The following LDB1 variants were observed in gnomAD, a reference collection of about 807,000 sequenced individuals.
LDB1 encodes the protein LIM domain binding 1, also known as LIM domain-binding protein 1.
LDB1 carries 6 observed loss-of-function variants against 49.7 expected under a neutral mutation model. The ratio of observed to expected loss-of-function variants is 0.12; its 90% CI spans 0.07 to 0.24. The LOEUF (loss-of-function observed/expected upper bound fraction) is 0.24. LDB1 is among the 10% of genes least tolerant of loss of function. The pLI is 1.00. For synonymous variants in LDB1, 233 were observed against 202.0 expected, an observed-to-expected ratio of 1.15 and a Z score of -1.30; for missense variants, 341 against 561.7, an observed-to-expected ratio of 0.61 and a Z score of 3.97.
In LDB1 at chr10:102,109,390, G is replaced by C; in HGVS notation, c.850C>G (p.Pro284Ala). Residue 284 changes from proline (P) to alanine (A), a missense_variant, in exon 9 of 11, where the codon CCC becomes GCC. Coordinates refer to ENST00000673968, the MANE Select transcript of LDB1 (RefSeq NM_001113407.3). The surrounding 1 kb of genome is among the most constrained non-coding windows in gnomAD (Gnocchi z 5.8). ...GCAGGTGCAAGGCACTCACCAGGGG[G>C]TGCTACCATGCGCTGCCACTTCTGG... ...LFQKWQRMVA[P>A]PAEPTRQQPS... is the part of the protein sequence containing the mutation. The C allele has an allele frequency of 6.2e-7, 1 of 1,614,138 alleles. No homozygotes were observed. Among genetic ancestry groups the C allele is most frequent in the Non-Finnish European group, 8.5e-7 (1 of 1,180,026 alleles).
chr10:102,114,439 G>A (rs2068302930), intron 1 of LDB1: 1 of 986,302 alleles, frequency 1.0e-6, no homozygotes, highest in African/African-American at 1.7e-5. Flanking sequence ...AGAGGTACGG[G>A]GGAGCGACTG....
chr10:102,120,188 CCGCCGCCGCCCGCGGCCCCCGCTGCGCT>C lies in LDB1; in HGVS notation c.-106_-79del, dbSNP rs2068398878. On this transcript the variant is annotated 5_prime_UTR_variant, in exon 1 of 11. Transcript: ENST00000673968. ...GCGGGGACAGGCCGGGCATGAGCCG[CCGCCGCCGCCCGCGGCCCCCGCTGCGCT>C]CGCCGCCGGCCCGGCCCGGCCTCGG... is the stretch of plus-strand genomic sequence containing the variant. The C allele has an allele frequency of 9.1e-7, 1 of 1,096,732 alleles. No individual in the cohort carries two copies. The highest frequency in any genetic ancestry group is 5.3e-5 in the Admixed American group (1 of 18,892). 67.9% of individuals were successfully genotyped at this position (1,096,732 alleles called of 1,614,324 possible).
At chr10:102,103,363 G>C (rs958271938), downstream of LDB1, among the ~76,000 whole-genome samples, 1 of 150,048 alleles carries the variant, frequency 6.7e-6, no homozygotes, top group Non-Finnish European at 1.5e-5. Flanking sequence ...GTTTGAGACA[G>C]AGAGTCTTGC....
rs781255808 is a variant in LDB1 at position 102,110,860 on chromosome 10, G to A, written c.352+9C>T. The stretch of plus-strand genomic sequence containing the variant: ...ACACCCTCATAGCAAGACCCCAGAG[G>A]CCACTTACTATATCTCTTTGGTCCA... On this transcript the variant is annotated intron_variant, in intron 5 of 10. Transcript: ENST00000673968. The A allele has an allele frequency of 6.2e-6, 10 of 1,610,902 alleles. No individual in the cohort carries two copies. Among genetic ancestry groups the A allele is most frequent in the South Asian group, 2.2e-5 (2 of 91,022 alleles).
chr10:102,109,365 G>A lies in LDB1; in HGVS notation c.856+19C>T. The A allele has an allele frequency of 6.2e-7, 1 of 1,613,784 alleles. No individual in the cohort carries two copies. The highest frequency in any genetic ancestry group is 1.1e-5 in the South Asian group (1 of 91,062). On this transcript the variant is annotated intron_variant, in intron 9 of 10. Transcript: ENST00000673968. This position sits in a 1 kb window ranked among gnomAD's most constrained non-coding sequence, Gnocchi z 5.8. ...GGAGCGGTGTGAGATCCTGGTAAGA[G>A]CAGGTGCAAGGCACTCACCAGGGGG...
At chr10:102,104,073 AAAG>A (rs1318171227), downstream of LDB1, among the ~76,000 whole-genome samples, 2 of 152,028 alleles carry the variant, frequency 1.3e-5, no homozygotes, top group South Asian at 2.1e-4. Context: ...AAAAAAAAAA[AAAG>A]AAGTCAGGCT....
rs944407544 is a variant in LDB1 at position 102,114,882 on chromosome 10, ACACT to A, written c.26-3350_26-3347del. 1.3e-5 allele frequency: 13 copies of A among 964,826 alleles called. No homozygotes were observed. The South Asian group carries it at 2.9e-4, about 22-fold the overall frequency. The allele number at this position is 964,826 out of a possible 1,614,324, so 59.8% of individuals were successfully genotyped here. On this transcript the variant is annotated intron_variant, in intron 1 of 10. Coordinates refer to ENST00000673968, the MANE Select transcript of LDB1 (RefSeq NM_001113407.3). ...CCAGGAGAGGCAGGACCCGGCACTC[ACACT>A]CACTCACACTCGCACACTCAAACAC...
chr10:102,104,163 C>T (rs2068137735), downstream of LDB1, among the ~76,000 whole-genome samples: 1 of 151,948 alleles, frequency 6.6e-6, no homozygotes. Context: ...GGGGATGGAG[C>T]TCTCTGGCTG....
chr10:102,109,692 G>A lies in LDB1; in HGVS notation c.649-9C>T. On this transcript the variant is annotated splice_polypyrimidine_tract_variant and intron_variant, in intron 7 of 10. Coordinates refer to ENST00000673968, the MANE Select transcript of LDB1 (RefSeq NM_001113407.3). This position sits in a 1 kb window ranked among gnomAD's most constrained non-coding sequence, Gnocchi z 5.8. ...ATCTGGGGGTCTTGGGCCTAGAGTG[G>A]GAGAAAAGACAAGAAAGAACACTGA... 6.2e-7 allele frequency: 1 copy of A among 1,613,682 alleles called. No homozygotes were observed. The highest frequency in any genetic ancestry group is 1.1e-5 in the South Asian group (1 of 91,016).
At chr10:102,112,068 C>A (rs553489042) in intron 1 of LDB1, among the ~76,000 whole-genome samples, 1 of 152,234 alleles carries the variant, frequency 6.6e-6, no homozygotes, top group East Asian at 1.9e-4. Context: ...CTAATCCCAG[C>A]GCATACCCAA....
Position 102,107,641 on chromosome 10 carries a change from C to T in LDB1, c.*452G>A. 1 of 160,558 alleles carries T rather than the reference C, an allele frequency of 6.2e-6. No homozygotes were observed. Among genetic ancestry groups the T allele is most frequent in the Non-Finnish European group, 1.4e-5 (1 of 72,856 alleles). 9.9% of individuals were successfully genotyped at this position (160,558 alleles called of 1,614,324 possible). Reference sequence around the variant, plus strand: ...GATAAGTGGCAGCAGGGAGGAGGGGCCCAGAGCTTTACCCCTCTATTACCA... The same window carrying T: ...GATAAGTGGCAGCAGGGAGGAGGGGTCCAGAGCTTTACCCCTCTATTACCA... On this transcript the variant is annotated 3_prime_UTR_variant, in exon 11 of 11. Coordinates refer to ENST00000673968, the MANE Select transcript of LDB1 (RefSeq NM_001113407.3).
intron 10 of LDB1, among the ~76,000 whole-genome samples, chr10:102,108,740 T>C (rs1307074095): frequency 6.6e-6 from 1 of 152,200 alleles, no homozygotes; most frequent in Non-Finnish European, 1.5e-5. Context: ...TGAGTGTGTG[T>C]GCTGGATGGT....
rs556196610 is a variant in LDB1 at position 102,109,745 on chromosome 10, C to G, written c.649-62G>C. On this transcript the variant is annotated intron_variant, in intron 7 of 10. Coordinates refer to ENST00000673968, the MANE Select transcript of LDB1 (RefSeq NM_001113407.3). The surrounding 1 kb of genome is among the most constrained non-coding windows in gnomAD (Gnocchi z 5.8). ...CCTGGGTTGCCTCTGCTCACCTGCC[C>G]TATCATCTGAGCATTGTGACACTCC... 197 of 1,558,248 alleles carry G rather than the reference C, an allele frequency of 1.3e-4. No homozygotes were observed. In the African/African-American group the frequency reaches 2.6e-3, roughly 20 times the overall value.
downstream of LDB1, among the ~76,000 whole-genome samples, chr10:102,102,113 CAG>C (rs1296881803): frequency 1.3e-5 from 2 of 152,136 alleles, no homozygotes; most frequent in Non-Finnish European, 2.9e-5. Context: ...TTCATAGAGA[CAG>C]GGTTTCACCA....
Position 102,109,166 on chromosome 10 carries a change from G to C in LDB1, c.868C>G (p.Arg290Gly). 2 of 1,613,722 alleles carry C rather than the reference G, an allele frequency of 1.2e-6. No homozygotes were observed. The highest frequency in any genetic ancestry group is 1.7e-6 in the Non-Finnish European group (2 of 1,179,926). ...TTCCGCCGTTTGCTGGGCTGCTGAC[G>C]TGTGGGCTCCGCTGTGCCGGTAAAC... is the stretch of plus-strand genomic sequence containing the variant. ...RMVAPPAEPT[R>G]QQPSKRRKRK... The change falls in exon 10 of 11, where the codon CGT (arginine) becomes GGT (glycine). Residue 290 changes from arginine to glycine, a missense_variant. This residue lies in a region of LDB1 where 233 missense variants were observed against 385.7 expected (regional missense o/e 0.60). Coordinates refer to ENST00000673968, the MANE Select transcript of LDB1 (RefSeq NM_001113407.3). This position sits in a 1 kb window ranked among gnomAD's most constrained non-coding sequence, Gnocchi z 5.8.
chr10:102,114,797 C>T (rs1421132907), intron 1 of LDB1: 2 of 979,482 alleles, frequency 2.0e-6, no homozygotes, highest in Non-Finnish European at 1.2e-6. Context: ...CTCTTGCTGC[C>T]TCTGCCTCCG....
Position 102,109,723 on chromosome 10 carries a change from G to C in LDB1, c.649-40C>G, listed in dbSNP as rs374028821. On this transcript the variant is annotated intron_variant, in intron 7 of 10. Coordinates refer to ENST00000673968, the MANE Select transcript of LDB1 (RefSeq NM_001113407.3). This position sits in a 1 kb window ranked among gnomAD's most constrained non-coding sequence, Gnocchi z 5.8. ...AAGACAAGAAAGAACACTGACACCT[G>C]GGTTGCCTCTGCTCACCTGCCCTAT... 9 of 1,599,536 alleles carry C rather than the reference G, an allele frequency of 5.6e-6. No individual in the cohort carries two copies. Among genetic ancestry groups the C allele is most frequent in the Non-Finnish European group, 7.7e-6 (9 of 1,167,176 alleles).
chr10:102,105,068 T>C (rs1004831655), downstream of LDB1, among the ~76,000 whole-genome samples: 9 of 152,134 alleles, frequency 5.9e-5, no homozygotes, highest in African/African-American at 1.9e-4. Flanking sequence ...TACCTGCACA[T>C]ATAAACAGAT....
rs890043079 is a variant in LDB1 at position 102,117,469 on chromosome 10, C to T, written c.25+2617G>A. Among the ~76,000 whole-genome samples the T allele has an allele frequency of 2.0e-5, 3 of 152,168 alleles. No homozygotes were observed. Among genetic ancestry groups the T allele is most frequent in the African/African-American group, 7.2e-5 (3 of 41,434 alleles). ...AAAGATGATGAGGGAAAGTACTCCTCCTGGAGGTGGGGACTCAAAGGACAG... is the reference window on the plus strand; with the variant it reads ...AAAGATGATGAGGGAAAGTACTCCTTCTGGAGGTGGGGACTCAAAGGACAG... On this transcript the variant is annotated intron_variant, in intron 1 of 10. Transcript: ENST00000673968. The surrounding 1 kb of genome is among the most constrained non-coding windows in gnomAD (Gnocchi z 4.2).
Sources: allele counts gnomAD v4.1 joint callset (sites outside exome capture counted in the v4.1 genomes callset), GRCh38; gene constraint gnomAD v4.1.1; regional missense constraint gnomAD v4.1.1; non-coding constraint Gnocchi (gnomAD v3.1); transcripts MANE v1.5; gene names NCBI Gene and HGNC (gene_info 2026-07-23, HGNC 2026-07-21).